The following DYM variants were observed in gnomAD, a reference collection of about 807,000 sequenced individuals.
The protein encoded by DYM is dymeclin, also known as dyggve-Melchior-Clausen syndrome protein.
In DYM, 78 loss-of-function variants were observed where a neutral mutation model predicts 93.1. The ratio of observed to expected loss-of-function variants is 0.84; its 90% CI spans 0.70 to 1.01. DYM has a LOEUF of 1.01. Among genes scored for constraint, DYM ranks in the 50% least tolerant of loss-of-function variants. The pLI, the probability that DYM is intolerant of heterozygous loss-of-function variation, is 0.00. For synonymous variants in DYM, 321 were observed against 319.7 expected (o/e 1.00, Z -0.04); for missense variants, 789 against 845.0 (o/e 0.93, Z 0.82).
chr18:49,272,419 T>C (rs1173685534), intron 10 of DYM, 116 bp from the exon 11 acceptor site: 2 of 773,362 alleles, frequency 2.6e-6, no homozygotes, highest in African/African-American at 1.8e-5. Flanking sequence ...TATTTTTCAT[T>C]AGAGAAAAAA....
chr18:49,404,706 T>C (rs1291404171), intron 2 of DYM, among the ~76,000 whole-genome samples: 1 of 152,172 alleles, frequency 6.6e-6, no homozygotes, highest in Non-Finnish European at 1.5e-5. Flanking sequence ...GTTGGCTTCT[T>C]ATATGTCTCC....
chr18:49,387,328 G>A (rs2068733287), intron 3 of DYM, among the ~76,000 whole-genome samples: 1 of 152,114 alleles, frequency 6.6e-6, no homozygotes, highest in African/African-American at 2.4e-5. Flanking sequence ...CCAGGCTGGA[G>A]TGCAAAGTTG....
At chr18:49,453,159 T>C (rs112206044) in intron 1 of DYM, among the ~76,000 whole-genome samples, 16,586 of 135,042 alleles carry the variant, frequency 0.12, 4,144 homozygotes, top group East Asian at 0.41. Flanking sequence ...TTTGTAAATA[T>C]ACCAATCAGT....
intron 14 of DYM, among the ~76,000 whole-genome samples, chr18:49,188,720 T>A (rs2090685901): frequency 6.6e-6 from 1 of 152,048 alleles, no homozygotes; most frequent in Non-Finnish European, 1.5e-5. Flanking sequence ...GGATAGCATT[T>A]GGAGATATAC....
At chr18:49,272,759 G>C (rs2094740168) in intron 10 of DYM, among the ~76,000 whole-genome samples, 1 of 152,002 alleles carries the variant, frequency 6.6e-6, no homozygotes, top group Admixed American at 6.6e-5. Context: ...TATGTAATTA[G>C]ACTCTTGGAA....
At position 49,315,397 on chromosome 18, in the gene DYM, T is replaced by C. The variant is rs149539542; in HGVS notation, c.763+16467A>G. Among the ~76,000 whole-genome samples the C allele has an allele frequency of 2.1e-3, 313 of 152,304 alleles. 10 individuals are homozygous for C. The South Asian group carries it at 0.062, about 30-fold the overall frequency. ...GGAAAAATAGGCATGGCAACATCCG[T>C]AGTAAGAAAATGTAATATATTTCTT... On this transcript the variant is annotated intron_variant, in intron 8 of 17. Coordinates refer to ENST00000675505, the MANE Select transcript of DYM (RefSeq NM_001353214.3).
chr18:49,366,704 A>AT (rs1439297646), intron 5 of DYM, among the ~76,000 whole-genome samples: 4 of 152,192 alleles, frequency 2.6e-5, no homozygotes, highest in African/African-American at 9.7e-5. Context: ...ATATTTTAAT[A>AT]TTTTAAGTCT....
intron 2 of DYM, among the ~76,000 whole-genome samples, chr18:49,422,893 AAAGC>A (rs2073878380): frequency 1.3e-5 from 2 of 152,188 alleles, no homozygotes; most frequent in Non-Finnish European, 2.9e-5. Flanking sequence ...CCAGATTCAT[AAAGC>A]AAGTCCTTAG....
chr18:49,106,029 TTG>T (rs1568429361), intron 16 of DYM, among the ~76,000 whole-genome samples: 1 of 152,190 alleles, frequency 6.6e-6, no homozygotes, highest in Non-Finnish European at 1.5e-5. Context: ...CCCATTATTA[TTG>T]TGTGGGAGTC....
chr18:49,310,440 A>C (rs2061521695), intron 8 of DYM, among the ~76,000 whole-genome samples: 2 of 151,800 alleles, frequency 1.3e-5, no homozygotes, highest in Non-Finnish European at 2.9e-5. Flanking sequence ...CTGAGCACAA[A>C]AGATGCCCCC....
intron 11 of DYM, among the ~76,000 whole-genome samples, chr18:49,269,170 A>G (rs1426421505): frequency 6.6e-6 from 1 of 152,220 alleles, no homozygotes; most frequent in Non-Finnish European, 1.5e-5. Flanking sequence ...CAAAAGAGAC[A>G]TAAATATGGT....
rs141274703 is a variant in DYM, at chr18:49,455,818, G to A, written c.-54+4580C>T. The stretch of plus-strand genomic sequence containing the variant: ...ACAAAAATTAGCCGGGCATGGTGGC[G>A]CATGCCTGTAATCCCAGCTATTCAG... On this transcript the variant is annotated intron_variant, in intron 1 of 17. Transcript: ENST00000675505. Among the ~76,000 whole-genome samples the A allele has an allele frequency of 2.7e-3, 410 of 151,976 alleles. 4 individuals carry two copies. Among genetic ancestry groups the A allele is most frequent in the African/African-American group, 9.5e-3 (395 of 41,452 alleles).
At chr18:49,318,465 T>C (rs1264896232) in intron 8 of DYM, among the ~76,000 whole-genome samples, 1 of 151,654 alleles carries the variant, frequency 6.6e-6, no homozygotes, top group Admixed American at 6.6e-5. Context: ...TAAAAAAAAT[T>C]ACAAAAATTA....
Position 49,430,334 on chromosome 18 carries a change from A to C in DYM, c.61T>G (p.Ser21Ala). 6.2e-7 allele frequency: 1 copy of C among 1,614,126 alleles called. No homozygotes were observed. The highest frequency in any genetic ancestry group is 8.5e-7 in the Non-Finnish European group (1 of 1,180,022). The change falls in exon 2 of 18, where the codon TCA (serine) becomes GCA (alanine). Residue 21 changes from serine (S) to alanine (A), a missense_variant. Ser to Ala is a moderately conservative substitution (Grantham distance 99). This residue lies in a region of DYM where 450 missense variants were observed against 436.2 expected (regional missense o/e 1.03). Coordinates refer to ENST00000675505, the MANE Select transcript of DYM (RefSeq NM_001353214.3). Reference protein sequence around the residue: ...LPKNEYLKKLSGTESISENDP... With the variant: ...LPKNEYLKKLAGTESISENDP... Reference sequence around the variant, plus strand: ...TTCTCAGAGATAGATTCCGTGCCTGATAACTTTTTCAAGTACTCATTTTTA... The same window carrying C: ...TTCTCAGAGATAGATTCCGTGCCTGCTAACTTTTTCAAGTACTCATTTTTA...
rs1365186444 is a variant in DYM, at chr18:49,040,233, C to G, written c.*3822G>C. ...GAGTCAACAAGATAGTTAAGTATTA[C>G]TTGTCCAGTTCTATGGGGCTGCTTT... On this transcript the variant is annotated 3_prime_UTR_variant, in exon 18 of 18. Coordinates refer to ENST00000675505, the MANE Select transcript of DYM (RefSeq NM_001353214.3). 6.6e-6 allele frequency among the ~76,000 whole-genome samples: 1 copy of G among 152,180 alleles called. No homozygotes were observed. Among genetic ancestry groups the G allele is most frequent in the Admixed American group, 6.5e-5 (1 of 15,280 alleles).
At chr18:49,067,215 AT>A (rs2076487341) in intron 17 of DYM, among the ~76,000 whole-genome samples, 7 of 107,204 alleles carry the variant, frequency 6.5e-5, no homozygotes, top group African/African-American at 1.1e-4. Flanking sequence ...TGTGAGCACT[AT>A]GCAGGTTCAG....
intron 13 of DYM, among the ~76,000 whole-genome samples, chr18:49,218,433 C>T (rs1008426433): frequency 3.9e-5 from 6 of 152,198 alleles, no homozygotes; most frequent in African/African-American, 1.4e-4. Context: ...ACTCTGCACC[C>T]CAAATCAACA....
intron 5 of DYM, among the ~76,000 whole-genome samples, chr18:49,373,859 C>A (rs143387242): frequency 1.3e-5 from 2 of 152,144 alleles, no homozygotes; most frequent in Non-Finnish European, 2.9e-5. Flanking sequence ...GCTAGCACTT[C>A]ATGGGAAGGT....
chr18:49,425,515 A>G (rs2074188755), intron 2 of DYM, among the ~76,000 whole-genome samples: 1 of 152,142 alleles, frequency 6.6e-6, no homozygotes, highest in Non-Finnish European at 1.5e-5. Context: ...CACCAAAAGC[A>G]ATGGCAACAA....
Sources: allele counts gnomAD v4.1 joint callset (sites outside exome capture counted in the v4.1 genomes callset), GRCh38; gene constraint gnomAD v4.1.1; regional missense constraint gnomAD v4.1.1; transcripts MANE v1.5; gene names NCBI Gene and HGNC (gene_info 2026-07-23, HGNC 2026-07-21).